Variants in DCHS2 observed in about 807,000 individuals in gnomAD.
DCHS2 encodes protocadherin-23.
DCHS2 carries 142 observed loss-of-function variants against 182.4 expected under a neutral mutation model. The observed-to-expected ratio is 0.78, with a 90% CI of 0.68 to 0.89. The LOEUF (loss-of-function observed/expected upper bound fraction) is 0.89. Ranked by LOEUF, DCHS2 falls within the 40% of genes least tolerant of loss-of-function variation. DCHS2 has a pLI of 0.00. For missense variants in DCHS2, 4,319 were observed against 4,198.6 expected, an observed-to-expected ratio of 1.03 and a Z score of -0.79; for synonymous variants, 1,740 against 1,663.3, an observed-to-expected ratio of 1.05 and a Z score of -1.12.
intron 3 of DCHS2, among the ~76,000 whole-genome samples, chr4:154,337,334 C>T (rs988450519): frequency 1.6e-4 from 24 of 152,118 alleles, no homozygotes; most frequent in African/African-American, 5.6e-4. Flanking sequence ...ATGTTGAGCC[C>T]TGATGATTAT....
At chr4:154,350,504 G>C (rs894391502) in intron 3 of DCHS2, among the ~76,000 whole-genome samples, 8 of 151,998 alleles carry the variant, frequency 5.3e-5, no homozygotes, top group Admixed American at 3.9e-4. Flanking sequence ...TGCACACACT[G>C]GTCCCCAGAC....
At chr4:154,438,433 G>A (rs539797439) in intron 1 of DCHS2, among the ~76,000 whole-genome samples, 18 of 152,118 alleles carry the variant, frequency 1.2e-4, no homozygotes, top group South Asian at 4.2e-4. Flanking sequence ...TTAATTTTAG[G>A]GTAGCTTTAA....
chr4:154,321,939 A>G (rs528847118), intron 8 of DCHS2, among the ~76,000 whole-genome samples: 2 of 152,290 alleles, frequency 1.3e-5, no homozygotes, highest in Non-Finnish European at 2.9e-5. Context: ...AATTAAAAAA[A>G]TTACAAAAAT....
intron 3 of DCHS2, among the ~76,000 whole-genome samples, chr4:154,342,728 C>G (rs1308884919): frequency 6.6e-6 from 1 of 152,168 alleles, no homozygotes; most frequent in Non-Finnish European, 1.5e-5. Context: ...TTTACCACTT[C>G]ACTGAAGTGG....
At chr4:154,402,360 A>G (rs1732224032) in intron 1 of DCHS2, among the ~76,000 whole-genome samples, 1 of 152,240 alleles carries the variant, frequency 6.6e-6, no homozygotes, top group South Asian at 2.1e-4. Context: ...TCCTAGATCC[A>G]CTATATTACC....
At chr4:154,485,569 G>A (rs1388074) in intron 1 of DCHS2, among the ~76,000 whole-genome samples, 94 of 152,316 alleles carry the variant, frequency 6.2e-4, no homozygotes, top group Admixed American at 9.8e-4. Context: ...CACCTTGCCC[G>A]TTTTGCTTGT....
chr4:154,368,677 C>T (rs953106804), intron 2 of DCHS2, among the ~76,000 whole-genome samples: 7 of 152,082 alleles, frequency 4.6e-5, no homozygotes, highest in South Asian at 2.1e-4. Flanking sequence ...CCACCACACC[C>T]GGCTAATTTT....
chr4:154,415,295 A>G (rs1732789327), intron 1 of DCHS2, among the ~76,000 whole-genome samples: 1 of 152,172 alleles, frequency 6.6e-6, no homozygotes. Context: ...ATTTGTTTTG[A>G]CTTATACATA....
chr4:154,454,038 T>C (rs1734652842), intron 1 of DCHS2, among the ~76,000 whole-genome samples: 1 of 151,938 alleles, frequency 6.6e-6, no homozygotes. Context: ...TTGATGAAAA[T>C]GAAATATTAA....
intron 1 of DCHS2, chr4:154,391,060 G>C (rs57468943): frequency 6.4e-6 from 6 of 943,436 alleles, no homozygotes; most frequent in Non-Finnish European, 9.3e-6. Flanking sequence ...TTATTTCCCT[G>C]AAGCTCAGAA....
chr4:154,441,527 C>A (rs764491527), intron 1 of DCHS2, among the ~76,000 whole-genome samples: 16 of 151,542 alleles, frequency 1.1e-4, no homozygotes, highest in Non-Finnish European at 4.4e-5. Flanking sequence ...GTGATGATTG[C>A]TGGCAAATAG....
intron 16 of DCHS2, among the ~76,000 whole-genome samples, chr4:154,247,363 A>C (rs1732121972): frequency 6.6e-6 from 1 of 152,014 alleles, no homozygotes; most frequent in Non-Finnish European, 1.5e-5. Flanking sequence ...CTGTAGTCCC[A>C]GCTACTCGGG....
chr4:154,463,380 A>G (rs1367476317), intron 1 of DCHS2, among the ~76,000 whole-genome samples: 2 of 152,228 alleles, frequency 1.3e-5, no homozygotes, highest in South Asian at 2.1e-4. Flanking sequence ...TCCCTATCAT[A>G]GCATTTTTCC....
chr4:154,403,878 C>T (rs1379778274), intron 1 of DCHS2, among the ~76,000 whole-genome samples: 5 of 152,126 alleles, frequency 3.3e-5, no homozygotes, highest in South Asian at 2.1e-4. Flanking sequence ...GTCAAATTTA[C>T]TGAAACAAGT....
In DCHS2 at chr4:154,320,817, G is replaced by C; in HGVS notation, c.4582C>G (p.Leu1528Val). ...TCTTTGGCATTGAAGACATACACCA[G>C]GGTTCCTATGGGAACATTCTCCTCT... Reference protein sequence around the residue: ...SVEENVPIGTLVYVFNAKDDD... With the variant: ...SVEENVPIGTVVYVFNAKDDD... Residue 1528 changes from leucine (L) to valine (V), a missense_variant, in exon 9 of 20, where the codon CTG becomes GTG. Physicochemically the swap from Leu to Val is conservative, Grantham distance 32 (BLOSUM62 1). Transcript: ENST00000357232. 1 of 1,613,958 alleles carries C rather than the reference G, an allele frequency of 6.2e-7. No individual in the cohort carries two copies. The highest frequency in any genetic ancestry group is 8.5e-7 in the Non-Finnish European group (1 of 1,179,962).
intron 7 of DCHS2, 130 bp downstream of exon 7, chr4:154,327,963 G>A (rs1386403218): frequency 6.0e-6 from 3 of 497,778 alleles, no homozygotes; most frequent in East Asian, 6.8e-5. Context: ...TTGTAACTTG[G>A]TGCTTTTTCA....
At chr4:154,311,003 C>T (rs935238740) in intron 10 of DCHS2, among the ~76,000 whole-genome samples, 2 of 151,942 alleles carry the variant, frequency 1.3e-5, no homozygotes, top group African/African-American at 2.4e-5. Flanking sequence ...CAAAGGAGAC[C>T]GTAAAGCACA....
intron 1 of DCHS2, chr4:154,486,378 C>T: frequency 7.7e-7 from 1 of 1,299,378 alleles, no homozygotes; most frequent in Non-Finnish European, 1.0e-6. Context: ...GGAGTAACCA[C>T]TAAGACAACT....
intron 1 of DCHS2, among the ~76,000 whole-genome samples, chr4:154,451,251 G>T (rs893193596): frequency 6.6e-6 from 1 of 152,154 alleles, no homozygotes; most frequent in African/African-American, 2.4e-5. Flanking sequence ...CAAGCCCTTA[G>T]GATTTTAGAG....
Sources: gnomAD v4.1 joint callset for allele counts (sites outside exome capture counted in the v4.1 genomes callset) on GRCh38, gnomAD v4.1.1 for gene constraint, MANE v1.5 for transcripts, NCBI Gene and HGNC (gene_info 2026-07-23, HGNC 2026-07-21) for gene names.